LSM14B: variants seen among roughly 807,000 people sequenced by gnomAD.
LSM14B encodes LSM family member 14B.
A neutral mutation model predicts 42.1 loss-of-function variants in LSM14B; 8 were observed. The observed-to-expected ratio is 0.19, with a 90% CI of 0.11 to 0.34. The LOEUF (loss-of-function observed/expected upper bound fraction) is 0.34. Among genes scored for constraint, LSM14B ranks in the 10% least tolerant of loss-of-function variants. The probability of loss-of-function intolerance (pLI) is 1.00; values close to 1 mark genes in which losing one functional copy is unlikely to be tolerated. For missense variants in LSM14B, 396 were observed against 513.1 expected (o/e 0.77, Z 2.21); for synonymous variants, 219 against 209.7 (o/e 1.04, Z -0.38).
intron 6 of LSM14B, 34 bp from the exon 7 acceptor site, chr20:62,131,322 C>T (rs2056759477): frequency 6.4e-7 from 1 of 1,560,654 alleles, no homozygotes. Context: ...CTCTGCCCCT[C>T]CTCCATCTCC....
intron 8 of LSM14B, 72 bp downstream of exon 8, chr20:62,133,547 G>A: frequency 6.6e-7 from 1 of 1,511,298 alleles, no homozygotes; most frequent in Admixed American, 2.4e-5. Flanking sequence ...AGCTTAGGAA[G>A]GTGGGGAGCA....
intron 8 of LSM14B, 105 bp downstream of exon 8, chr20:62,133,580 A>C: frequency 7.5e-7 from 1 of 1,325,008 alleles, no homozygotes; most frequent in East Asian, 2.6e-5. Flanking sequence ...CAGGAAGAAG[A>C]GAGGCCCAGA....
chr20:62,128,151 A>T (rs936547208), intron 3 of LSM14B: 13 of 363,560 alleles, frequency 3.6e-5, no homozygotes, highest in Non-Finnish European at 6.2e-5. Flanking sequence ...GACAGTCGCC[A>T]ACTGTTTGGC....
rs1295785960 is a variant in LSM14B, at chr20:62,133,214, C to T, written c.987-76C>T. ...GTGAGTCTGTCCCTCCTTCCCTGGG[C>T]CGCTCTGAGGACGAGGCCTGGCCAG... On this transcript the variant is annotated intron_variant, in intron 7 of 8. Coordinates refer to ENST00000279068, the MANE Select transcript of LSM14B (RefSeq NM_144703.3). 33 of 1,555,614 alleles carry T rather than the reference C, an allele frequency of 2.1e-5. No homozygotes were observed. In the Admixed American group the frequency reaches 6.1e-4, roughly 29 times the overall value.
chr20:62,134,418 GT>G lies in LSM14B; in HGVS notation c.*274del. ...TAGTTGCGCATAGCCTAATTCTAAG[GT>G]TTTGGTATTTTGCAAAAAGGTTTCT... is the stretch of plus-strand genomic sequence containing the variant. On this transcript the variant is annotated 3_prime_UTR_variant, in exon 9 of 9. Transcript: ENST00000279068. 2.8e-6 allele frequency: 1 copy of G among 359,628 alleles called. No individual in the cohort carries two copies. The highest frequency in any genetic ancestry group is 5.7e-6 in the Non-Finnish European group (1 of 175,900). The allele number at this position is 359,628 out of a possible 1,614,324, so 22.3% of individuals were successfully genotyped here. A position where few individuals can be genotyped will look rare whatever the true frequency, so the allele number is the denominator to read the frequency against.
intron 3 of LSM14B, chr20:62,127,527 T>C (rs2056641767): frequency 8.3e-7 from 1 of 1,204,384 alleles, no homozygotes; most frequent in African/African-American, 1.5e-5. Context: ...ACAAGACAAG[T>C]GTATCCTGAC....
chr20:62,126,085 A>G, intron 2 of LSM14B: 1 of 647,498 alleles, frequency 1.5e-6, no homozygotes. Flanking sequence ...AACAAAACAA[A>G]AAAAGGAATT....
At chr20:62,123,579 C>T (rs1314664474) in intron 1 of LSM14B, among the ~76,000 whole-genome samples, 2 of 152,214 alleles carry the variant, frequency 1.3e-5, no homozygotes, top group Non-Finnish European at 2.9e-5. Flanking sequence ...TCCAGAGTTT[C>T]TTTGTCTTCA....
chr20:62,124,544 T>C, intron 1 of LSM14B, 73 bp from the exon 2 acceptor site: 1 of 1,526,792 alleles, frequency 6.5e-7, no homozygotes, highest in Non-Finnish European at 8.9e-7. Flanking sequence ...TTGGAAGGCT[T>C]GGGAGCAGTG....
Position 62,129,883 on chromosome 20 carries a change from C to A in LSM14B, c.526C>A (p.Pro176Thr), listed in dbSNP as rs1170888630. 1.2e-6 allele frequency: 2 copies of A among 1,613,442 alleles called. No homozygotes were observed. The highest frequency in any genetic ancestry group is 1.3e-5 in the African/African-American group (1 of 75,048). Reference sequence around the variant, plus strand: ...CAACCTGAATGCTAAAAAGCTGTTACCTGGCAAGGGCACCACAGGGACGCA... The same window carrying A: ...CAACCTGAATGCTAAAAAGCTGTTAACTGGCAAGGGCACCACAGGGACGCA... ...ADNLNAKKLLPGKGTTGTQLN... is the reference protein window; with the variant it reads ...ADNLNAKKLLTGKGTTGTQLN... The change falls in exon 4 of 9, where the codon CCT (proline) becomes ACT (threonine). Residue 176 changes from proline (P) to threonine (T), a missense_variant. Transcript: ENST00000279068.
Position 62,134,466 on chromosome 20 carries a change from C to A in LSM14B, c.*318C>A. 1 of 174,082 alleles carries A rather than the reference C, an allele frequency of 5.7e-6. No homozygotes were observed. Among genetic ancestry groups the A allele is most frequent in the Non-Finnish European group, 1.2e-5 (1 of 85,296 alleles). 10.8% of individuals were successfully genotyped at this position (174,082 alleles called of 1,614,324 possible). ...TTCTATAGTGAAAGCTGAATCCTTA[C>A]TTTGTGACTTTTTTTTTTTTTTTTA... is the stretch of plus-strand genomic sequence containing the variant. On this transcript the variant is annotated 3_prime_UTR_variant, in exon 9 of 9. Transcript: ENST00000279068.
At chr20:62,127,362 TC>T (rs2056637056) in intron 3 of LSM14B, among the ~76,000 whole-genome samples, 1 of 152,134 alleles carries the variant, frequency 6.6e-6, no homozygotes, top group African/African-American at 2.4e-5. Flanking sequence ...CTAAACGAGG[TC>T]TGTAGGCCAC....
intron 2 of LSM14B, among the ~76,000 whole-genome samples, 162 bp downstream of exon 2, chr20:62,124,942 G>A (rs1431443817): frequency 2.0e-5 from 3 of 151,752 alleles, no homozygotes; most frequent in East Asian, 1.9e-4. Flanking sequence ...GGTCAGTGGC[G>A]TGATCTCAGC....
Position 62,135,180 on chromosome 20 carries a change from G to A in LSM14B, c.*1032G>A, listed in dbSNP as rs1281471509. The A allele has an allele frequency of 6.6e-6, 1 of 152,184 alleles. No individual in the cohort carries two copies. The highest frequency in any genetic ancestry group is 1.5e-5 in the Non-Finnish European group (1 of 68,036). The allele number at this position is 152,184 out of a possible 1,614,324, so 9.4% of individuals were successfully genotyped here. A position where few individuals can be genotyped will look rare whatever the true frequency, so the allele number is the denominator to read the frequency against. On this transcript the variant is annotated 3_prime_UTR_variant, in exon 9 of 9. Coordinates refer to ENST00000279068, the MANE Select transcript of LSM14B (RefSeq NM_144703.3). ...CGTCCTCTGAGTGACAGGGCATTTT[G>A]TCGAAAATAAGCACCTTGGTAACTA...
chr20:62,125,170 C>A (rs1369128092), intron 2 of LSM14B, among the ~76,000 whole-genome samples: 1 of 152,192 alleles, frequency 6.6e-6, no homozygotes, highest in African/African-American at 2.4e-5. Context: ...TGAGCCACCA[C>A]ACCCAGCCTG....
intron 8 of LSM14B, among the ~76,000 whole-genome samples, chr20:62,133,895 G>A (rs570021920): frequency 1.6e-4 from 25 of 152,352 alleles, no homozygotes; most frequent in Admixed American, 5.2e-4. Context: ...TGGGCGGAGC[G>A]TCCCACATGG....
chr20:62,132,090 G>A (rs780277288), intron 7 of LSM14B, among the ~76,000 whole-genome samples: 7 of 152,252 alleles, frequency 4.6e-5, no homozygotes, highest in Non-Finnish European at 8.8e-5. Context: ...GGGGCGTTGA[G>A]GGGGCCTCAG....
chr20:62,132,846 G>A (rs569527633), intron 7 of LSM14B, among the ~76,000 whole-genome samples: 1 of 152,260 alleles, frequency 6.6e-6, no homozygotes, highest in South Asian at 2.1e-4. Context: ...CTGTATCCCT[G>A]TCTTTCAAAC....
Position 62,122,789 on chromosome 20 carries a change from C to T in LSM14B, c.123C>T (p.Ala41=). ...CCGACAACTCCACCGTGGCGCTCGC[C>T]AAAGGTAGCGGCCGCCGCCCGCCCG... ...IDTDNSTVAL[A]KVRSFGTEDR... The change falls in exon 1 of 9, where the codon GCC becomes GCT. Residue 41 remains alanine (A), a synonymous_variant. Coordinates refer to ENST00000279068, the MANE Select transcript of LSM14B (RefSeq NM_144703.3). This position sits in a 1 kb window ranked among gnomAD's most constrained non-coding sequence, Gnocchi z 4.6. 1 of 1,500,180 alleles carries T rather than the reference C, an allele frequency of 6.7e-7. No individual in the cohort carries two copies. The highest frequency in any genetic ancestry group is 8.9e-7 in the Non-Finnish European group (1 of 1,117,806). 92.9% of individuals were successfully genotyped at this position (1,500,180 alleles called of 1,614,324 possible). A position where few individuals can be genotyped will look rare whatever the true frequency, so the allele number is the denominator to read the frequency against.
Sources: allele counts gnomAD v4.1 joint callset (sites outside exome capture counted in the v4.1 genomes callset), GRCh38; gene constraint gnomAD v4.1.1; non-coding constraint Gnocchi (gnomAD v3.1); transcripts MANE v1.5; gene names NCBI Gene and HGNC (gene_info 2026-07-23, HGNC 2026-07-21).